The following ZNF324B variants were observed in gnomAD, a reference collection of about 807,000 sequenced individuals.
ZNF324B encodes the protein zinc finger protein 324B.
A neutral mutation model predicts 10.6 loss-of-function variants in ZNF324B; 7 were observed. The ratio of observed to expected loss-of-function variants is 0.66; its 90% CI spans 0.38 to 1.24. The LOEUF (loss-of-function observed/expected upper bound fraction) is 1.24, where lower values mean the gene tolerates loss of function less well. Among genes scored for constraint, ZNF324B ranks in the 50% most tolerant of loss-of-function variants. ZNF324B has a pLI of 0.02. For synonymous variants in ZNF324B, 316 were observed against 321.0 expected (o/e 0.98, Z 0.17); for missense variants, 640 against 764.7 (o/e 0.84, Z 1.92).
chr19:58,440,315 G>C, the ZNF324B span: 1 of 169,618 alleles, frequency 5.9e-6, no homozygotes, highest in Non-Finnish European at 1.3e-5. Flanking sequence ...CGTTTATTGC[G>C]TCGCTGCTCA....
At chr19:58,427,395 TTTCTTTCTTTCCTTCCTTCCTTCC>T in the ZNF324B span, among the ~76,000 whole-genome samples, 2 of 52,018 alleles carry the variant, frequency 3.8e-5, no homozygotes, top group South Asian at 7.5e-4. Flanking sequence ...TCTTTCTTTC[TTTCTTTCTTTCCTTCCTTCCTTCC>T]TTCCTTCCTT....
chr19:58,431,180 T>C, the ZNF324B span: 70 of 152,358 alleles, frequency 4.6e-4, no homozygotes, highest in African/African-American at 1.6e-3. Context: ...TTTGATCCAC[T>C]CCCTTGTGTG....
chr19:58,436,608 C>A, the ZNF324B span, among the ~76,000 whole-genome samples: 1 of 133,162 alleles, frequency 7.5e-6, no homozygotes, highest in Non-Finnish European at 1.5e-5. Flanking sequence ...GCAGAGCTTG[C>A]AGTAAGCTGA....
the ZNF324B span, among the ~76,000 whole-genome samples, chr19:58,424,647 A>C: frequency 1.3e-5 from 2 of 152,174 alleles, no homozygotes; most frequent in African/African-American, 4.8e-5. Context: ...AGTGTGATAA[A>C]TTTTTTTGAA....
rs199656206 is a variant in ZNF324B at position 58,455,209 on chromosome 19, G to T, written c.265G>T (p.Asp89Tyr). The part of the protein sequence containing the change: ...SGSWSLTEDR[D>Y]VSGEWPRAFP... ...TTCCTGGAGTTTGACAGAGGATAGAGATGTTTCTGGAGAATGGCCACGAGC... is the reference window on the plus strand; with the variant it reads ...TTCCTGGAGTTTGACAGAGGATAGATATGTTTCTGGAGAATGGCCACGAGC... Residue 89 changes from aspartate (D) to tyrosine (Y), a missense_variant, in exon 4 of 4, where the codon GAT (aspartate) becomes TAT (tyrosine). By Grantham distance (160) the Asp-to-Tyr change is radical. Around this residue, in one of 3 missense-constraint regions of ZNF324B, gnomAD observed 345 missense variants for 387.9 expected, o/e 0.89. Coordinates refer to ENST00000336614, the MANE Select transcript of ZNF324B (RefSeq NM_207395.3). The surrounding 1 kb of genome is among the most constrained non-coding windows in gnomAD (Gnocchi z 7.0). The T allele has an allele frequency of 9.0e-5, 146 of 1,614,170 alleles. No individual in the cohort carries two copies. The South Asian group carries it at 1.5e-3, about 17-fold the overall frequency.
rs759029211 is a variant in ZNF324B, at chr19:58,456,332, C to T, written c.1388C>T (p.Ala463Val). 1.9e-6 allele frequency: 3 copies of T among 1,612,576 alleles called. No homozygotes were observed. Among genetic ancestry groups the T allele is most frequent in the Non-Finnish European group, 2.5e-6 (3 of 1,179,830 alleles). ...TGCGTGGACTGTGGCAAGGGTTTCG[C>T]CAAGGGCGCCGTGCTGCTCAGCCAC... ...FRCVDCGKGF[A>V]KGAVLLSHRR... is the part of the protein sequence containing the mutation. The change falls in exon 4 of 4, where the codon GCC becomes GTC. Residue 463 changes from alanine (A) to valine (V), a missense_variant. Coordinates refer to ENST00000336614, the MANE Select transcript of ZNF324B (RefSeq NM_207395.3). This position sits in a 1 kb window ranked among gnomAD's most constrained non-coding sequence, Gnocchi z 4.7.
chr19:58,434,335 G>T, the ZNF324B span: 1 of 1,614,246 alleles, frequency 6.2e-7, no homozygotes, highest in Non-Finnish European at 8.5e-7. Context: ...CCTTTCTCCA[G>T]TGTGAACTTT....
the ZNF324B span, among the ~76,000 whole-genome samples, chr19:58,424,184 G>A: frequency 6.6e-6 from 1 of 152,106 alleles, no homozygotes; most frequent in Non-Finnish European, 1.5e-5. Context: ...AGGAGGCGGA[G>A]GTTGCAGTGA....
At chr19:58,453,322 G>A in intron 1 of ZNF324B, 1 of 301,556 alleles carries the variant, frequency 3.3e-6, no homozygotes, top group Non-Finnish European at 6.4e-6. Context: ...GTCCACAGCT[G>A]GGACTTACAC....
the ZNF324B span, among the ~76,000 whole-genome samples, chr19:58,424,988 G>A: frequency 6.6e-6 from 1 of 152,162 alleles, no homozygotes; most frequent in African/African-American, 2.4e-5. Flanking sequence ...AGGCACTGTG[G>A]CTCATGGCTG....
upstream of ZNF324B, among the ~76,000 whole-genome samples, chr19:58,451,283 C>A (rs368989093): frequency 7.9e-5 from 12 of 152,354 alleles, no homozygotes; most frequent in South Asian, 1.9e-3. Flanking sequence ...CTGGTGTTGC[C>A]TTCTGGAACC....
At chr19:58,429,219 A>G in the ZNF324B span, 1 of 152,194 alleles carries the variant, frequency 6.6e-6, no homozygotes. Context: ...ATTGTTTCAA[A>G]CCACCTCACC....
the ZNF324B span, among the ~76,000 whole-genome samples, chr19:58,427,290 T>TGC: frequency 7.6e-6 from 1 of 131,224 alleles, no homozygotes; most frequent in East Asian, 2.1e-4. Context: ...ATGCCTGGCT[T>TGC]TTTTCTTTCT....
chr19:58,455,556 G>C lies in ZNF324B; in HGVS notation c.612G>C (p.Gly204=). ...AGCCATGTGCACAGGAGGTCCCTGG[G>C]AGAGCCTTCGGGAATGCCTCGGACC... ...RQKPCAQEVP[G]RAFGNASDLK... is the part of the protein sequence containing the mutation. Residue 204 remains glycine (G), a synonymous_variant, in exon 4 of 4, where the codon GGG becomes GGC. Transcript: ENST00000336614. The surrounding 1 kb of genome is among the most constrained non-coding windows in gnomAD (Gnocchi z 7.0). 2 of 1,614,128 alleles carry C rather than the reference G, an allele frequency of 1.2e-6. No homozygotes were observed. The highest frequency in any genetic ancestry group is 1.7e-6 in the Non-Finnish European group (2 of 1,180,032).
In ZNF324B at chr19:58,456,780, C is replaced by T. The variant is rs1340204094; in HGVS notation, c.*201C>T. ...TAGTCATAGCTCACACCTCCATCCT[C>T]AAAGAGGTAACACTGCAGAAACATC... On this transcript the variant is annotated 3_prime_UTR_variant, in exon 4 of 4. Transcript: ENST00000336614. The surrounding 1 kb of genome is among the most constrained non-coding windows in gnomAD (Gnocchi z 4.7). 2 of 637,722 alleles carry T rather than the reference C, an allele frequency of 3.1e-6. No homozygotes were observed. The highest frequency in any genetic ancestry group is 3.0e-5 in the Admixed American group (1 of 33,882). The allele number at this position is 637,722 out of a possible 1,614,324, so 39.5% of individuals were successfully genotyped here.
the ZNF324B span, chr19:58,444,850 C>G: frequency 0.57 from 86,334 of 152,360 alleles, 26,122 homozygotes; most frequent in African/African-American, 0.8. Context: ...TCTTCAAAGG[C>G]CCTTACAAGT....
upstream of ZNF324B, among the ~76,000 whole-genome samples, chr19:58,447,023 TG>T (rs1033361512): frequency 5.8e-4 from 88 of 152,170 alleles, no homozygotes; most frequent in Admixed American, 1.7e-3. Context: ...GTGCTCAGGC[TG>T]GAGTGCAGTG....
upstream of ZNF324B, among the ~76,000 whole-genome samples, chr19:58,448,645 T>G (rs1016678744): frequency 3.9e-5 from 6 of 152,170 alleles, no homozygotes; most frequent in African/African-American, 1.4e-4. Flanking sequence ...GAGACTGGCA[T>G]GAACCTAGGA....
At chr19:58,432,183 T>C in the ZNF324B span, 1 of 395,406 alleles carries the variant, frequency 2.5e-6, no homozygotes, top group Non-Finnish European at 5.0e-6. Flanking sequence ...AAAAACCACT[T>C]TCCTGGACGT....
Sources: gnomAD v4.1 joint callset for allele counts (sites outside exome capture counted in the v4.1 genomes callset) on GRCh38, gnomAD v4.1.1 for gene constraint, gnomAD v4.1.1 regional missense constraint, Gnocchi (gnomAD v3.1) non-coding constraint, MANE v1.5 for transcripts, NCBI Gene and HGNC (gene_info 2026-07-23, HGNC 2026-07-21) for gene names.